Variants in PALS2 observed in about 807,000 individuals in gnomAD.
PALS2 encodes protein associated with LIN7 2, MAGUK p55 family member, also known as protein PALS2.
In PALS2, 27 loss-of-function variants were observed where a neutral mutation model predicts 61.6. The observed-to-expected ratio is 0.44, with a 90% CI of 0.32 to 0.60. The LOEUF is 0.60. PALS2 is among the 20% of genes least tolerant of loss of function. The pLI, the probability that PALS2 is intolerant of heterozygous loss-of-function variation, is 0.05. For synonymous variants in PALS2, 236 were observed against 218.6 expected, an observed-to-expected ratio of 1.08 and a Z score of -0.70; for missense variants, 554 against 639.4, an observed-to-expected ratio of 0.87 and a Z score of 1.44.
intron 5 of PALS2, among the ~76,000 whole-genome samples, chr7:24,651,319 T>G (rs1180855334): frequency 3.3e-5 from 5 of 152,310 alleles, no homozygotes; most frequent in African/African-American, 1.2e-4. Context: ...GGCAGATTTT[T>G]GAAGGTGTGA....
intron 1 of PALS2, among the ~76,000 whole-genome samples, chr7:24,623,256 C>T (rs75842412): frequency 0.066 from 9,406 of 141,464 alleles, 341 homozygotes; most frequent in African/African-American, 0.098. Context: ...TCTTTTTTAA[C>T]TGTTTGATAG....
At chr7:24,640,876 C>T (rs1427333044) in intron 2 of PALS2, among the ~76,000 whole-genome samples, 3 of 151,470 alleles carry the variant, frequency 2.0e-5, no homozygotes, top group Admixed American at 6.6e-5. Flanking sequence ...GGCTTGGTGG[C>T]GGGTACCTGT....
intron 9 of PALS2, among the ~76,000 whole-genome samples, chr7:24,672,975 T>C (rs914115384): frequency 6.6e-6 from 1 of 152,188 alleles, no homozygotes; most frequent in African/African-American, 2.4e-5. Flanking sequence ...TGAACATCCT[T>C]GTCTTGTTCA....
intron 5 of PALS2, among the ~76,000 whole-genome samples, chr7:24,653,734 T>G (rs1453932189): frequency 2.0e-5 from 3 of 152,226 alleles, no homozygotes; most frequent in Non-Finnish European, 4.4e-5. Context: ...GCAATATCTC[T>G]GATACTAAAG....
At chr7:24,678,022 A>G (rs1007752310) in intron 9 of PALS2, among the ~76,000 whole-genome samples, 5 of 152,172 alleles carry the variant, frequency 3.3e-5, no homozygotes, top group Admixed American at 6.5e-5. Context: ...AGTTTGGTGT[A>G]GTTAATAATT....
chr7:24,653,659 A>G (rs977749480), intron 5 of PALS2, among the ~76,000 whole-genome samples: 4 of 152,230 alleles, frequency 2.6e-5, no homozygotes, highest in African/African-American at 9.6e-5. Flanking sequence ...TGATACAGCA[A>G]ACATTATCTG....
chr7:24,683,987 C>A lies in PALS2; in HGVS notation c.1447-3451C>A, dbSNP rs77407007. On this transcript the variant is annotated intron_variant, in intron 11 of 11. Coordinates refer to ENST00000222644, the MANE Select transcript of PALS2 (RefSeq NM_001303037.2). ...TATTCTACAGTACAAACACAACATT[C>A]TGGGAATAAGTATATCAACATAACC... Among the ~76,000 whole-genome samples, 1,216 of 152,232 alleles carry A rather than the reference C, an allele frequency of 8.0e-3. 20 individuals are homozygous for A. Among genetic ancestry groups the A allele is most frequent in the Non-Finnish European group, 8.5e-3 (576 of 68,010 alleles).
rs188175190 is a variant in PALS2, at chr7:24,680,652, T to C, written c.1446+132T>C. ...GCTTTGTCACCCAGGCTGGAGTGCA[T>C]TGATGCGATCTCAGCTCGTTGCAAC... On this transcript the variant is annotated intron_variant, in intron 11 of 11. Coordinates refer to ENST00000222644, the MANE Select transcript of PALS2 (RefSeq NM_001303037.2). 9.2e-6 allele frequency: 11 copies of C among 1,192,740 alleles called. 1 individual carries two copies. The highest frequency in any genetic ancestry group is 7.8e-5 in the African/African-American group (5 of 63,924). The allele number at this position is 1,192,740 out of a possible 1,614,324, so 73.9% of individuals were successfully genotyped here.
At chr7:24,676,109 T>C (rs908394523) in intron 9 of PALS2, among the ~76,000 whole-genome samples, 2 of 151,284 alleles carry the variant, frequency 1.3e-5, no homozygotes, top group Admixed American at 1.3e-4. Context: ...TGGTATCTCA[T>C]TGTGGTTTTG....
intron 1 of PALS2, among the ~76,000 whole-genome samples, chr7:24,597,561 A>T (rs914848345): frequency 3.9e-5 from 6 of 152,314 alleles, no homozygotes; most frequent in African/African-American, 1.4e-4. Flanking sequence ...GATGGAGAAG[A>T]TGTTAGCACA....
At position 24,618,535 on chromosome 7, in the gene PALS2, G is replaced by A. The variant is rs1009609421; in HGVS notation, c.-2-5131G>A. ...GTGCAGATCTTGTGCTCCCAGTCTGGGGGAATACAGCTGTGTGAATTCACA... is the reference window on the plus strand; with the variant it reads ...GTGCAGATCTTGTGCTCCCAGTCTGAGGGAATACAGCTGTGTGAATTCACA... On this transcript the variant is annotated intron_variant, in intron 1 of 11. Coordinates refer to ENST00000222644, the MANE Select transcript of PALS2 (RefSeq NM_001303037.2). This position sits in a 1 kb window ranked among gnomAD's most constrained non-coding sequence, Gnocchi z 5.1. 3.9e-5 allele frequency among the ~76,000 whole-genome samples: 6 copies of A among 152,186 alleles called. No homozygotes were observed. The highest frequency in any genetic ancestry group is 7.3e-5 in the Non-Finnish European group (5 of 68,032).
intron 3 of PALS2, among the ~76,000 whole-genome samples, chr7:24,647,998 A>G (rs73693413): frequency 0.012 from 1,855 of 152,292 alleles, 39 homozygotes; most frequent in African/African-American, 0.042. Flanking sequence ...AAAGGAGGAT[A>G]TAGGGTGGAA....
At chr7:24,624,016 C>G in intron 2 of PALS2, 6 of 1,266,408 alleles carry the variant, frequency 4.7e-6, no homozygotes, top group Non-Finnish European at 6.5e-6. Flanking sequence ...GGCGTAATGC[C>G]TTTAAGGTTT....
chr7:24,653,546 C>T (rs969111227), intron 5 of PALS2, among the ~76,000 whole-genome samples: 2 of 152,108 alleles, frequency 1.3e-5, no homozygotes, highest in African/African-American at 4.8e-5. Context: ...CACGAAATTC[C>T]ACTTTCGTTT....
intron 1 of PALS2, among the ~76,000 whole-genome samples, chr7:24,587,427 G>A (rs1037744236): frequency 4.0e-5 from 6 of 151,832 alleles, no homozygotes; most frequent in Admixed American, 2.6e-4. Flanking sequence ...TCACCCAGTC[G>A]AGTACAGTGG....
chr7:24,652,589 C>CT (rs139053481), intron 5 of PALS2, among the ~76,000 whole-genome samples: 89 of 144,818 alleles, frequency 6.1e-4, no homozygotes, highest in East Asian at 3.8e-3. Flanking sequence ...CAAATTGAGA[C>CT]TTTTTTTTTT....
At chr7:24,634,806 A>C (rs1390251567) in intron 2 of PALS2, among the ~76,000 whole-genome samples, 1 of 152,104 alleles carries the variant, frequency 6.6e-6, no homozygotes, top group Non-Finnish European at 1.5e-5. Context: ...ATGGTGTTTC[A>C]GCACCATTTG....
chr7:24,666,492 A>G (rs889192732), intron 8 of PALS2, among the ~76,000 whole-genome samples: 2 of 152,208 alleles, frequency 1.3e-5, no homozygotes, highest in Non-Finnish European at 2.9e-5. Flanking sequence ...AACACTGACC[A>G]TGATAGTTTT....
intron 1 of PALS2, among the ~76,000 whole-genome samples, chr7:24,585,827 T>TCTCCTGCCTC (rs1783044050): frequency 6.6e-6 from 1 of 152,166 alleles, no homozygotes; most frequent in Non-Finnish European, 1.5e-5. Flanking sequence ...GCCTCCCAAG[T>TCTCCTGCCTC]AGCTGGGACT....
Sources: allele counts gnomAD v4.1 joint callset (sites outside exome capture counted in the v4.1 genomes callset), GRCh38; gene constraint gnomAD v4.1.1; non-coding constraint Gnocchi (gnomAD v3.1); transcripts MANE v1.5; gene names NCBI Gene and HGNC (gene_info 2026-07-23, HGNC 2026-07-21).